Variants in JARID2 observed in about 807,000 individuals in gnomAD.
JARID2 encodes the protein jumonji and AT-rich interaction domain containing 2, also known as protein Jumonji.
Under a neutral mutation model 125.6 loss-of-function variants are expected in JARID2, and 21 were observed. That is an observed-to-expected ratio of 0.17 (90% CI 0.12 to 0.24). The LOEUF (loss-of-function observed/expected upper bound fraction) is 0.24. JARID2 is among the 10% of genes least tolerant of loss of function. The probability of loss-of-function intolerance (pLI) is 1.00; values close to 1 mark genes in which losing one functional copy is unlikely to be tolerated. For synonymous variants in JARID2, 736 were observed against 661.6 expected (o/e 1.11, Z -1.73); for missense variants, 1,303 against 1,639.6 (o/e 0.79, Z 3.55).
intron 6 of JARID2, among the ~76,000 whole-genome samples, chr6:15,492,135 A>G (rs1581638158): frequency 6.6e-6 from 1 of 152,242 alleles, no homozygotes; most frequent in African/African-American, 2.4e-5. Flanking sequence ...CAAGGAGCAC[A>G]CGCTGCAGAC....
chr6:15,248,926 C>T (rs1249473099), intron 1 of JARID2: 4 of 985,720 alleles, frequency 4.1e-6, no homozygotes, highest in Non-Finnish European at 4.8e-6. Context: ...ATGCGCTCGG[C>T]CTCTGCCTTC....
At position 15,468,595 on chromosome 6, in the gene JARID2, G is replaced by C. The variant is rs145677498; in HGVS notation, c.547G>C (p.Glu183Gln). 1.2e-6 allele frequency: 2 copies of C among 1,614,142 alleles called. No homozygotes were observed. The highest frequency in any genetic ancestry group is 2.7e-5 in the African/African-American group (2 of 75,026). The change falls in exon 5 of 18, where the codon GAG (glutamate) becomes CAG (glutamine). Residue 183 changes from glutamate (E) to glutamine (Q), a missense_variant. This residue lies in a region of JARID2 where 651 missense variants were observed against 581.6 expected (regional missense o/e 1.12). Transcript: ENST00000341776. ...MVYFGSSQDEEEVEEEDDETE... is the reference protein window; with the variant it reads ...MVYFGSSQDEQEVEEEDDETE... Reference sequence around the variant, plus strand: ...GTATTTTGGAAGCTCTCAGGATGAGGAGGAAGTCGAGGAGGAAGATGATGA... The same window carrying C: ...GTATTTTGGAAGCTCTCAGGATGAGCAGGAAGTCGAGGAGGAAGATGATGA...
chr6:15,339,116 C>G (rs192772738), intron 1 of JARID2, among the ~76,000 whole-genome samples: 4 of 151,972 alleles, frequency 2.6e-5, no homozygotes, highest in African/African-American at 7.3e-5. Context: ...ATCCCAGTGA[C>G]GAGGTGGAAG....
At chr6:15,454,425 G>T (rs939481942) in intron 4 of JARID2, among the ~76,000 whole-genome samples, 1 of 152,146 alleles carries the variant, frequency 6.6e-6, no homozygotes, top group Non-Finnish European at 1.5e-5. Flanking sequence ...AGGGAGATAC[G>T]AGGTAGGTGG....
chr6:15,433,440 GTGTGTGTGTGTA>G (rs998997818), intron 3 of JARID2, among the ~76,000 whole-genome samples: 26 of 137,590 alleles, frequency 1.9e-4, no homozygotes, highest in African/African-American at 5.2e-4. Context: ...GTGTGTGTGT[GTGTGTGTGTGTA>G]TAATTTCAGT....
intron 7 of JARID2, among the ~76,000 whole-genome samples, chr6:15,498,463 T>A (rs1770571969): frequency 6.6e-6 from 1 of 152,296 alleles, no homozygotes; most frequent in African/African-American, 2.4e-5. Flanking sequence ...AGGGTGAGGA[T>A]GAACTTGCCT....
chr6:15,367,836 A>G (rs1316675450), intron 1 of JARID2, among the ~76,000 whole-genome samples: 1 of 152,188 alleles, frequency 6.6e-6, no homozygotes, highest in Admixed American at 6.5e-5. Context: ...TACAATCATG[A>G]TGGAGTTTTC....
intron 3 of JARID2, among the ~76,000 whole-genome samples, chr6:15,436,658 T>C (rs1050889698): frequency 3.9e-5 from 6 of 152,102 alleles, no homozygotes; most frequent in African/African-American, 1.4e-4. Flanking sequence ...TTCCCTATCA[T>C]TTAAAGGGAC....
intron 1 of JARID2, among the ~76,000 whole-genome samples, chr6:15,251,610 A>G (rs1759456924): frequency 6.6e-6 from 1 of 152,252 alleles, no homozygotes; most frequent in East Asian, 1.9e-4. Context: ...GCCAAGTGTC[A>G]GTTGTTTGTT....
intron 1 of JARID2, among the ~76,000 whole-genome samples, chr6:15,349,707 C>T (rs1434859154): frequency 1.3e-5 from 2 of 152,136 alleles, no homozygotes; most frequent in African/African-American, 2.4e-5. Context: ...TCCTCTCCCC[C>T]ACCACCCCTT....
At chr6:15,305,091 G>T (rs981169441) in intron 1 of JARID2, among the ~76,000 whole-genome samples, 1 of 152,146 alleles carries the variant, frequency 6.6e-6, no homozygotes, top group African/African-American at 2.4e-5. Flanking sequence ...GGTTGGACAG[G>T]GTTTCTTGCC....
chr6:15,366,973 G>A (rs1764004189), intron 1 of JARID2, among the ~76,000 whole-genome samples: 1 of 151,776 alleles, frequency 6.6e-6, no homozygotes, highest in Non-Finnish European at 1.5e-5. Context: ...TAAAAAAAAA[G>A]TCTTTGTGTC....
chr6:15,419,534 C>G (rs574683127), intron 3 of JARID2, among the ~76,000 whole-genome samples: 2 of 152,116 alleles, frequency 1.3e-5, no homozygotes, highest in Non-Finnish European at 1.5e-5. Flanking sequence ...GATCATTCAG[C>G]TTTTGTATGT....
intron 1 of JARID2, among the ~76,000 whole-genome samples, chr6:15,373,072 TA>T (rs1764231040): frequency 6.6e-6 from 1 of 152,354 alleles, no homozygotes; most frequent in African/African-American, 2.4e-5. Flanking sequence ...TGTGTGAACA[TA>T]AGTCCTTCTT....
At position 15,374,228 on chromosome 6, in the gene JARID2, G is replaced by T. The variant is rs1764268259; in HGVS notation, c.157G>T (p.Ala53Ser). 6.2e-7 allele frequency: 1 copy of T among 1,614,104 alleles called. No homozygotes were observed. Residue 53 changes from alanine (A) to serine (S), a missense_variant, in exon 2 of 18, where the codon GCT becomes TCT. Transcript: ENST00000341776. Reference sequence around the variant, plus strand: ...GAAGAGGCAGCATGCGGAAGGCATTGCTGGGAGCCTGAAAACTGTGAATGG... The same window carrying T: ...GAAGAGGCAGCATGCGGAAGGCATTTCTGGGAGCCTGAAAACTGTGAATGG... ...SQKRQHAEGI[A>S]GSLKTVNGLL...
At chr6:15,403,053 A>G (rs1316214846) in intron 2 of JARID2, among the ~76,000 whole-genome samples, 1 of 152,138 alleles carries the variant, frequency 6.6e-6, no homozygotes, top group African/African-American at 2.4e-5. Flanking sequence ...TAAAGGTCAT[A>G]TTAAGGATGA....
intron 1 of JARID2, among the ~76,000 whole-genome samples, chr6:15,363,347 A>AGT (rs1195367963): frequency 6.6e-6 from 1 of 152,186 alleles, no homozygotes; most frequent in African/African-American, 2.4e-5. Context: ...GGCTGTGCAC[A>AGT]GTGTGTGTTC....
intron 1 of JARID2, among the ~76,000 whole-genome samples, chr6:15,325,274 CTG>C (rs1316156354): frequency 2.6e-5 from 4 of 152,156 alleles, no homozygotes; most frequent in Non-Finnish European, 5.9e-5. Flanking sequence ...TTGTGGCTAC[CTG>C]TGTGTGTGCA....
At chr6:15,446,639 C>A (rs913287750) in intron 3 of JARID2, among the ~76,000 whole-genome samples, 5 of 152,198 alleles carry the variant, frequency 3.3e-5, no homozygotes, top group Non-Finnish European at 7.3e-5. Context: ...CCCATACACT[C>A]CCATACACTC....
Sources: allele counts gnomAD v4.1 joint callset (sites outside exome capture counted in the v4.1 genomes callset), GRCh38; gene constraint gnomAD v4.1.1; regional missense constraint gnomAD v4.1.1; transcripts MANE v1.5; gene names NCBI Gene and HGNC (gene_info 2026-07-23, HGNC 2026-07-21).